Variants in ZDHHC20 observed in about 807,000 individuals in gnomAD.
ZDHHC20 encodes the protein zDHHC palmitoyltransferase 20.
Under a neutral mutation model 57.8 loss-of-function variants are expected in ZDHHC20, and 43 were observed. The ratio of observed to expected loss-of-function variants is 0.74; its 90% CI spans 0.58 to 0.96. ZDHHC20 has a LOEUF of 0.96. ZDHHC20 is among the 40% of genes least tolerant of loss of function. The pLI, the probability that ZDHHC20 is intolerant of heterozygous loss-of-function variation, is 0.00. For missense variants in ZDHHC20, 391 were observed against 441.1 expected (o/e 0.89, Z 1.02); for synonymous variants, 157 against 153.0 (o/e 1.03, Z -0.19).
intron 1 of ZDHHC20, among the ~76,000 whole-genome samples, chr13:21,451,891 G>C (rs1884473969): frequency 6.6e-6 from 1 of 151,924 alleles, no homozygotes; most frequent in Non-Finnish European, 1.5e-5. Flanking sequence ...CTACTTGAGA[G>C]GCTGAGGCAG....
In ZDHHC20 at chr13:21,375,369, G is replaced by C; in HGVS notation, c.*1327C>G. ...GGGGGGTGTGTGTGTGTGTGTGTCT[G>C]TCTGTCTAAAAGGTGTAAATGAGGA... On this transcript the variant is annotated 3_prime_UTR_variant, in exon 13 of 13. Transcript: ENST00000400590. 1 of 339,008 alleles carries C rather than the reference G, an allele frequency of 2.9e-6. No individual in the cohort carries two copies. The highest frequency in any genetic ancestry group is 2.2e-5 in the South Asian group (1 of 44,480). The allele number at this position is 339,008 out of a possible 1,614,324, so 21.0% of individuals were successfully genotyped here. A position where few individuals can be genotyped will look rare whatever the true frequency, so the allele number is the denominator to read the frequency against.
In ZDHHC20 at chr13:21,430,983, G is replaced by A. The variant is rs578052852; in HGVS notation, c.119-5305C>T. On this transcript the variant is annotated intron_variant, in intron 1 of 12. Transcript: ENST00000400590. ...AGTCCCTGCTTGTCCTTTTACTGCC[G>A]AATAGCATTCTGTTATATGGAGGTA... 2.4e-4 allele frequency among the ~76,000 whole-genome samples: 37 copies of A among 152,154 alleles called. 1 individual carries two copies. The South Asian group carries it at 5.4e-3, about 22-fold the overall frequency.
intron 1 of ZDHHC20, among the ~76,000 whole-genome samples, chr13:21,454,012 A>C (rs1884692046): frequency 6.6e-6 from 1 of 151,874 alleles, no homozygotes; most frequent in African/African-American, 2.4e-5. Context: ...ATGCCCATCT[A>C]ATTTTTTGTA....
At chr13:21,435,383 A>AG (rs1169945342) in intron 1 of ZDHHC20, among the ~76,000 whole-genome samples, 2 of 152,118 alleles carry the variant, frequency 1.3e-5, no homozygotes, top group Non-Finnish European at 2.9e-5. Flanking sequence ...GACCAATTCC[A>AG]GGGGCAGGAA....
intron 8 of ZDHHC20, 73 bp downstream of exon 8, chr13:21,391,649 T>C: frequency 6.7e-7 from 1 of 1,481,688 alleles, no homozygotes; most frequent in Non-Finnish European, 9.1e-7. Context: ...ATCTGACCCT[T>C]GTTCTTCTCT....
intron 2 of ZDHHC20, 61 bp from the exon 3 acceptor site, chr13:21,421,225 C>T (rs940778583): frequency 3.2e-5 from 43 of 1,326,700 alleles, no homozygotes; most frequent in Non-Finnish European, 4.2e-5. Flanking sequence ...AAAAGCATTA[C>T]ATTAAAACAC....
At chr13:21,453,857 T>G (rs1365786261) in intron 1 of ZDHHC20, among the ~76,000 whole-genome samples, 1 of 151,992 alleles carries the variant, frequency 6.6e-6, no homozygotes, top group Non-Finnish European at 1.5e-5. Flanking sequence ...AGGATTTGTT[T>G]GTTCTTTGGG....
At chr13:21,426,852 C>T (rs1485351834) in intron 1 of ZDHHC20, among the ~76,000 whole-genome samples, 3 of 152,190 alleles carry the variant, frequency 2.0e-5, no homozygotes, top group Non-Finnish European at 4.4e-5. Context: ...AGTGAATCCG[C>T]CCACCTCAGC....
chr13:21,410,459 A>C (rs1879048889), intron 4 of ZDHHC20, among the ~76,000 whole-genome samples: 1 of 151,578 alleles, frequency 6.6e-6, no homozygotes, highest in Non-Finnish European at 1.5e-5. Flanking sequence ...CTGTGCCTAC[A>C]GCTGCCTCTT....
intron 1 of ZDHHC20, among the ~76,000 whole-genome samples, chr13:21,436,978 T>TA (rs1000168289): frequency 3.3e-5 from 5 of 151,784 alleles, no homozygotes; most frequent in African/African-American, 1.2e-4. Flanking sequence ...TAAAGTATAA[T>TA]AAAAAAAATT....
At chr13:21,419,479 G>A (rs187620000) in intron 3 of ZDHHC20, among the ~76,000 whole-genome samples, 10 of 152,292 alleles carry the variant, frequency 6.6e-5, no homozygotes, top group Admixed American at 4.6e-4. Flanking sequence ...ACAGTAGACC[G>A]AGTAAACAAA....
Position 21,455,633 on chromosome 13 carries a change from G to GGTGTGT in ZDHHC20, c.118+3415_118+3420dup, listed in dbSNP as rs3070118. Among the ~76,000 whole-genome samples, 346 of 148,174 alleles carry GGTGTGT rather than the reference G, an allele frequency of 2.3e-3. 4 individuals are homozygous for GGTGTGT. The highest frequency in any genetic ancestry group is 5.9e-3 in the African/African-American group (236 of 40,020). On this transcript the variant is annotated intron_variant, in intron 1 of 12. Coordinates refer to ENST00000400590, the MANE Select transcript of ZDHHC20 (RefSeq NM_001330059.2). Reference sequence around the variant, plus strand: ...TCCTCAGTATTACTCCCAGTGAAGTGGTGTGTGTGTGTGTGTGTGTGTGTG... The same window carrying GGTGTGT: ...TCCTCAGTATTACTCCCAGTGAAGTGGTGTGTGTGTGTGTGTGTGTGTGTGTGTGTG...
At chr13:21,389,772 G>A (rs914518874) in intron 8 of ZDHHC20, among the ~76,000 whole-genome samples, 1 of 152,184 alleles carries the variant, frequency 6.6e-6, no homozygotes, top group Admixed American at 6.5e-5. Flanking sequence ...TTTCACTGAC[G>A]CCAAGTGGGA....
At chr13:21,414,418 T>C (rs1488768688) in intron 3 of ZDHHC20, among the ~76,000 whole-genome samples, 1 of 150,926 alleles carries the variant, frequency 6.6e-6, no homozygotes, top group Non-Finnish European at 1.5e-5. Flanking sequence ...TAGAGTGCAG[T>C]GGAGTGATTT....
intron 7 of ZDHHC20, among the ~76,000 whole-genome samples, chr13:21,394,276 G>A (rs1876365293): frequency 6.6e-6 from 1 of 152,112 alleles, no homozygotes; most frequent in South Asian, 2.1e-4. Context: ...CATGTTCTCT[G>A]GGCCTGAATG....
intron 7 of ZDHHC20, among the ~76,000 whole-genome samples, chr13:21,394,404 C>G (rs1383480687): frequency 6.6e-6 from 1 of 152,164 alleles, no homozygotes; most frequent in Non-Finnish European, 1.5e-5. Context: ...ATGCCACCGC[C>G]CAATACTTAA....
At chr13:21,457,971 C>T (rs576070260) in intron 1 of ZDHHC20, among the ~76,000 whole-genome samples, 2 of 152,306 alleles carry the variant, frequency 1.3e-5, no homozygotes, top group Admixed American at 6.5e-5. Flanking sequence ...CACCACTTAC[C>T]ATTTGGTCCT....
At chr13:21,381,629 A>T in intron 10 of ZDHHC20, 80 bp from the exon 11 acceptor site, 1 of 944,042 alleles carries the variant, frequency 1.1e-6, no homozygotes, top group Non-Finnish European at 1.6e-6. Flanking sequence ...GCAGCAAATT[A>T]GTATTCCTTC....
chr13:21,438,958 T>C (rs928865985), intron 1 of ZDHHC20, among the ~76,000 whole-genome samples: 15 of 152,176 alleles, frequency 9.9e-5, no homozygotes, highest in Non-Finnish European at 1.8e-4. Context: ...TTGCTAGCAT[T>C]TTTTTAGCAA....
Sources: allele counts gnomAD v4.1 joint callset (sites outside exome capture counted in the v4.1 genomes callset), GRCh38; gene constraint gnomAD v4.1.1; transcripts MANE v1.5; gene names NCBI Gene and HGNC (gene_info 2026-07-23, HGNC 2026-07-21).